Variants in RBM14 observed in about 807,000 individuals in gnomAD.
The protein encoded by RBM14 is RNA-binding protein 14.
A neutral mutation model predicts 52.8 loss-of-function variants in RBM14; 5 were observed. The ratio of observed to expected loss-of-function variants is 0.09; its 90% CI spans 0.05 to 0.20. The LOEUF is 0.20. Ranked by LOEUF, RBM14 falls within the 10% of genes least tolerant of loss-of-function variation. The pLI, the probability that RBM14 is intolerant of heterozygous loss-of-function variation, is 1.00. For synonymous variants in RBM14, 411 were observed against 401.8 expected (o/e 1.02, Z -0.28); for missense variants, 780 against 926.6 (o/e 0.84, Z 2.05).
chr11:66,626,743 C>T lies in RBM14; in HGVS notation c.*75C>T. 2 of 1,366,026 alleles carry T rather than the reference C, an allele frequency of 1.5e-6. No homozygotes were observed. The highest frequency in any genetic ancestry group is 2.0e-6 in the Non-Finnish European group (2 of 1,012,686). The allele number at this position is 1,366,026 out of a possible 1,614,324, so 84.6% of individuals were successfully genotyped here. A position where few individuals can be genotyped will look rare whatever the true frequency, so the allele number is the denominator to read the frequency against. ...GTAGGGTTACAGATCCAGGTTATAA[C>T]TACTCTGGCCCATACCTTTCCTGGT... On this transcript the variant is annotated 3_prime_UTR_variant, in exon 3 of 3. Transcript: ENST00000310137.
chr11:66,622,632 T>G (rs749381820), intron 1 of RBM14, among the ~76,000 whole-genome samples: 1 of 152,226 alleles, frequency 6.6e-6, no homozygotes, highest in African/African-American at 2.4e-5. Context: ...GCCACACTTC[T>G]GACTTCTACT....
rs747004361 is a variant in RBM14, at chr11:66,617,037, T to G, written c.317T>G (p.Ile106Ser). 1 of 1,600,810 alleles carries G rather than the reference T, an allele frequency of 6.2e-7. No individual in the cohort carries two copies. The highest frequency in any genetic ancestry group is 8.5e-7 in the Non-Finnish European group (1 of 1,172,086). The change falls in exon 1 of 3, where the codon ATC becomes AGC. Residue 106 changes from isoleucine (I) to serine (S), a missense_variant. Physicochemically the swap from Ile to Ser is moderately radical, Grantham distance 142. Around this residue, in one of 4 missense-constraint regions of RBM14, gnomAD observed 33 missense variants for 87.3 expected, o/e 0.38. Coordinates refer to ENST00000310137, the MANE Select transcript of RBM14 (RefSeq NM_006328.4). ...CTCTTCGAGCGCCGCGGACGCGTCA[T>G]CGAGTGTGACGTGGTGAAAGGTAAC... ...RSLFERRGRV[I>S]ECDVVKDYAF...
intron 1 of RBM14, among the ~76,000 whole-genome samples, chr11:66,618,197 T>A (rs1366595610): frequency 6.6e-6 from 1 of 152,196 alleles, no homozygotes; most frequent in African/African-American, 2.4e-5. Context: ...TGGGAACAGA[T>A]CAGAGTTAAC....
Position 66,626,650 on chromosome 11 carries a change from C to G in RBM14, c.1992C>G (p.Gly664=). ...TGCGGGCGGCTCAGATGCACTCTGG[C>G]TACCAGCGCCGCATGTAGGGCCATC... is the stretch of plus-strand genomic sequence containing the variant. ...DYLRAAQMHS[G]YQRRM The change falls in exon 3 of 3, where the codon GGC becomes GGG. Residue 664 remains glycine (G), a synonymous_variant. Coordinates refer to ENST00000310137, the MANE Select transcript of RBM14 (RefSeq NM_006328.4). The G allele has an allele frequency of 6.2e-7, 1 of 1,609,030 alleles. No individual in the cohort carries two copies. Among genetic ancestry groups the G allele is most frequent in the Non-Finnish European group, 8.5e-7 (1 of 1,178,292 alleles).
rs753298874 is a variant in RBM14 at position 66,624,936 on chromosome 11, T to C, written c.1060T>C (p.Ser354Pro). 2.5e-6 allele frequency: 4 copies of C among 1,613,884 alleles called. No individual in the cohort carries two copies. Among genetic ancestry groups the C allele is most frequent in the Non-Finnish European group, 3.4e-6 (4 of 1,179,950 alleles). ...ATCCTCTTACGGCGCCCAGGCTGCC[T>C]CTTCCTATGGGGTTCGTGCAGCTGC... ...QPSSYGAQAASSYGVRAAASS... is the reference protein window; with the variant it reads ...QPSSYGAQAAPSYGVRAAASS... The change falls in exon 2 of 3, where the codon TCT becomes CCT. Residue 354 changes from serine (S) to proline (P), a missense_variant. By Grantham distance (74) the Ser-to-Pro change is moderately conservative (BLOSUM62 -1). This residue lies in a region of RBM14 where 675 missense variants were observed against 697.3 expected (regional missense o/e 0.97). Transcript: ENST00000310137. This position sits in a 1 kb window ranked among gnomAD's most constrained non-coding sequence, Gnocchi z 4.7.
In RBM14 at chr11:66,625,346, G is replaced by A. The variant is rs767513744; in HGVS notation, c.1470G>A (p.Ser490=). 5 of 1,606,544 alleles carry A rather than the reference G, an allele frequency of 3.1e-6. No homozygotes were observed. The highest frequency in any genetic ancestry group is 4.5e-5 in the East Asian group (2 of 44,762). The change falls in exon 2 of 3, where the codon TCG becomes TCA. Residue 490 remains serine, a synonymous_variant. Coordinates refer to ENST00000310137, the MANE Select transcript of RBM14 (RefSeq NM_006328.4). The surrounding 1 kb of genome is among the most constrained non-coding windows in gnomAD (Gnocchi z 4.2). ...TTTCAGGCTCCTATGGGGCTCAGTCGGCTGCTGCGGCCACTGGCTCCTATG... is the reference window on the plus strand; with the variant it reads ...TTTCAGGCTCCTATGGGGCTCAGTCAGCTGCTGCGGCCACTGGCTCCTATG... The part of the protein sequence containing the change: ...MGLSGSYGAQ[S]AAAATGSYGA...
rs1350876241 is a variant in RBM14, at chr11:66,625,597, C to T, written c.1721C>T (p.Pro574Leu). The T allele has an allele frequency of 9.3e-6, 15 of 1,610,348 alleles. No individual in the cohort carries two copies. The highest frequency in any genetic ancestry group is 1.6e-4 in the Middle Eastern group (1 of 6,062). Reference protein sequence around the residue: ...GAVANANSTPPPYERTRLSPP... With the variant: ...GAVANANSTPLPYERTRLSPP... The stretch of plus-strand genomic sequence containing the variant: ...GTTGCCAACGCCAACAGCACCCCGC[C>T]GCCCTATGAGCGTACCCGCCTCTCC... The change falls in exon 2 of 3, where the codon CCG (proline) becomes CTG (leucine). Residue 574 changes from proline to leucine, a missense_variant. Physicochemically the swap from Pro to Leu is moderately conservative, Grantham distance 98. Around this residue, in one of 4 missense-constraint regions of RBM14, gnomAD observed 675 missense variants for 697.3 expected, o/e 0.97. Coordinates refer to ENST00000310137, the MANE Select transcript of RBM14 (RefSeq NM_006328.4). The surrounding 1 kb of genome is among the most constrained non-coding windows in gnomAD (Gnocchi z 4.2).
chr11:66,620,130 T>G (rs913926525), intron 1 of RBM14, among the ~76,000 whole-genome samples: 3 of 152,244 alleles, frequency 2.0e-5, no homozygotes, highest in Admixed American at 1.3e-4. Flanking sequence ...TAGCTAGGTC[T>G]GTGCTTTGCA....
chr11:66,625,784 CTT>C lies in RBM14; in HGVS notation c.1802+107_1802+108del. The C allele has an allele frequency of 1.1e-6, 1 of 882,208 alleles. No individual in the cohort carries two copies. The highest frequency in any genetic ancestry group is 1.7e-6 in the Non-Finnish European group (1 of 589,496). The allele number at this position is 882,208 out of a possible 1,614,324, so 54.6% of individuals were successfully genotyped here. A position where few individuals can be genotyped will look rare whatever the true frequency, so the allele number is the denominator to read the frequency against. ...GCATCGGCCCCTCCCTCGGTCTTCT[CTT>C]CTCTATTTTTGTGGGATGTCCAGAG... On this transcript the variant is annotated intron_variant, in intron 2 of 2. Transcript: ENST00000310137. This position sits in a 1 kb window ranked among gnomAD's most constrained non-coding sequence, Gnocchi z 4.2.
chr11:66,618,388 G>T, intron 1 of RBM14: 1 of 661,730 alleles, frequency 1.5e-6, no homozygotes, highest in South Asian at 1.7e-5. Context: ...CATGTTTGGG[G>T]CCATTCCTAG....
chr11:66,617,133 G>A (rs1409306153), intron 1 of RBM14, 76 bp downstream of exon 1: 1 of 1,510,828 alleles, frequency 6.6e-7, no homozygotes, highest in Non-Finnish European at 8.8e-7. Flanking sequence ...TTACCCGGGG[G>A]TCGGTCACTG....
chr11:66,618,624 A>G, intron 1 of RBM14: 2 of 713,754 alleles, frequency 2.8e-6, no homozygotes, highest in South Asian at 3.0e-5. Context: ...CAGATTGGGT[A>G]CTTGTCCAGC....
Position 66,625,527 on chromosome 11 carries a change from G to A in RBM14, c.1651G>A (p.Ala551Thr), listed in dbSNP as rs1243871126. The change falls in exon 2 of 3, where the codon GCA becomes ACA. Residue 551 changes from alanine (A) to threonine (T), a missense_variant. This residue lies in a region of RBM14 where 675 missense variants were observed against 697.3 expected (regional missense o/e 0.97). Coordinates refer to ENST00000310137, the MANE Select transcript of RBM14 (RefSeq NM_006328.4). This position sits in a 1 kb window ranked among gnomAD's most constrained non-coding sequence, Gnocchi z 4.2. ...RGQPGNAYDG[A>T]GQPSAAYLSM... ...CCAGCCAGGCAATGCCTACGATGGG[G>A]CAGGTCAGCCGTCTGCAGCCTACCT... 1.2e-6 allele frequency: 2 copies of A among 1,612,594 alleles called. No individual in the cohort carries two copies. The highest frequency in any genetic ancestry group is 1.7e-6 in the Non-Finnish European group (2 of 1,179,486).
rs1272296556 is a variant in RBM14, at chr11:66,625,514, T to C, written c.1638T>C (p.Asn546=). Residue 546 remains asparagine, a synonymous_variant, in exon 2 of 3, where the codon AAT becomes AAC. Coordinates refer to ENST00000310137, the MANE Select transcript of RBM14 (RefSeq NM_006328.4). The surrounding 1 kb of genome is among the most constrained non-coding windows in gnomAD (Gnocchi z 4.2). ...CCTCCTACCGCGGCCAGCCAGGCAA[T>C]GCCTACGATGGGGCAGGTCAGCCGT... ...AAASYRGQPG[N]AYDGAGQPSA... 10 of 1,612,532 alleles carry C rather than the reference T, an allele frequency of 6.2e-6. No individual in the cohort carries two copies. Among genetic ancestry groups the C allele is most frequent in the Non-Finnish European group, 7.6e-6 (9 of 1,179,434 alleles).
rs370043990 is a variant in RBM14, at chr11:66,616,747, C to T, written c.27C>T (p.Asp9=). The part of the protein sequence containing the change: MKIFVGNV[D]GADTTPEELA... The stretch of plus-strand genomic sequence containing the variant: ...TGAAGATATTCGTGGGCAACGTCGA[C>T]GGGGCGGATACGACTCCGGAGGAGC... Residue 9 remains aspartate, a synonymous_variant, in exon 1 of 3, where the codon GAC becomes GAT. Transcript: ENST00000310137. The T allele has an allele frequency of 3.8e-6, 6 of 1,596,372 alleles. No individual in the cohort carries two copies. The highest frequency in any genetic ancestry group is 4.5e-5 in the East Asian group (2 of 44,418).
In RBM14 at chr11:66,626,527, G is replaced by A. The variant is rs761470997; in HGVS notation, c.1869G>A (p.Ser623=). Residue 623 remains serine, a synonymous_variant, in exon 3 of 3, where the codon TCG becomes TCA. Transcript: ENST00000310137. ...DYRRLSESQL[S]FRRSPTKSSL... is the part of the protein sequence containing the mutation. ...GCCGTTTATCAGAGTCGCAGCTTTC[G>A]TTCCGCCGCTCGCCGACAAAGTCCT... is the stretch of plus-strand genomic sequence containing the variant. 29 of 1,613,786 alleles carry A rather than the reference G, an allele frequency of 1.8e-5. No individual in the cohort carries two copies. Among genetic ancestry groups the A allele is most frequent in the Middle Eastern group, 3.3e-4 (2 of 6,084 alleles).
chr11:66,619,766 C>T (rs1056630592), intron 1 of RBM14, among the ~76,000 whole-genome samples: 3 of 152,174 alleles, frequency 2.0e-5, no homozygotes, highest in South Asian at 2.1e-4. Context: ...CGGGGTTTCA[C>T]TGTGTTAGCC....
In RBM14 at chr11:66,616,996, C is replaced by T. The variant is rs780275927; in HGVS notation, c.276C>T (p.Ser92=). ...GCAATGTGTCGGCTGCATGCACGAG[C>T]CAGGAACTGCGCAGCCTCTTCGAGC... is the stretch of plus-strand genomic sequence containing the variant. ...FVGNVSAACT[S]QELRSLFERR... The change falls in exon 1 of 3, where the codon AGC becomes AGT. Residue 92 remains serine (S), a synonymous_variant. Coordinates refer to ENST00000310137, the MANE Select transcript of RBM14 (RefSeq NM_006328.4). The T allele has an allele frequency of 3.1e-6, 5 of 1,611,638 alleles. No individual in the cohort carries two copies. The highest frequency in any genetic ancestry group is 1.3e-5 in the African/African-American group (1 of 74,978).
rs1039318551 is a variant in RBM14 at position 66,629,630 on chromosome 11, C to A, written c.*2962C>A. 8.5e-5 allele frequency among the ~76,000 whole-genome samples: 13 copies of A among 152,224 alleles called. No individual in the cohort carries two copies. Among genetic ancestry groups the A allele is most frequent in the Admixed American group, 3.9e-4 (6 of 15,294 alleles). ...AAACAGATTTACTGGATTTATGGACCTAGTATATACTATGTAACAGATGGA... is the reference window on the plus strand; with the variant it reads ...AAACAGATTTACTGGATTTATGGACATAGTATATACTATGTAACAGATGGA... On this transcript the variant is annotated 3_prime_UTR_variant, in exon 3 of 3. Coordinates refer to ENST00000310137, the MANE Select transcript of RBM14 (RefSeq NM_006328.4).
Sources: allele counts gnomAD v4.1 joint callset (sites outside exome capture counted in the v4.1 genomes callset), GRCh38; gene constraint gnomAD v4.1.1; regional missense constraint gnomAD v4.1.1; non-coding constraint Gnocchi (gnomAD v3.1); transcripts MANE v1.5; gene names NCBI Gene and HGNC (gene_info 2026-07-23, HGNC 2026-07-21).